MICU1: variants seen among roughly 807,000 people sequenced by gnomAD.
The protein encoded by MICU1 is calcium uptake protein 1, mitochondrial.
Under a neutral mutation model 56.8 loss-of-function variants are expected in MICU1, and 45 were observed. The observed-to-expected ratio is 0.79, with a 90% CI of 0.62 to 1.02. The LOEUF is 1.02. Among genes scored for constraint, MICU1 ranks in the 50% least tolerant of loss-of-function variants. The pLI is 0.00. For missense variants in MICU1, 504 were observed against 587.1 expected, an observed-to-expected ratio of 0.86 and a Z score of 1.46; for synonymous variants, 186 against 195.1, an observed-to-expected ratio of 0.95 and a Z score of 0.39.
At chr10:72,412,274 G>T (rs990003435) in intron 9 of MICU1, among the ~76,000 whole-genome samples, 1 of 152,182 alleles carries the variant, frequency 6.6e-6, no homozygotes, top group Non-Finnish European at 1.5e-5. Context: ...GGACAAGAAG[G>T]CTACAACTTA....
Position 72,495,025 on chromosome 10 carries a change from G to A in MICU1, c.652+13130C>T, listed in dbSNP as rs116721691. 6.8e-3 allele frequency among the ~76,000 whole-genome samples: 1,034 copies of A among 152,142 alleles called. 13 individuals are homozygous for A. The highest frequency in any genetic ancestry group is 0.023 in the African/African-American group (973 of 41,512). ...TATTTAAACTGGTTTTCCTTACACTGTTATTTGACAGTTGTGTTATAGAAA... is the reference window on the plus strand; with the variant it reads ...TATTTAAACTGGTTTTCCTTACACTATTATTTGACAGTTGTGTTATAGAAA... On this transcript the variant is annotated intron_variant, in intron 6 of 11. Transcript: ENST00000361114.
intron 8 of MICU1, among the ~76,000 whole-genome samples, chr10:72,427,707 T>C: frequency 6.7e-6 from 1 of 148,514 alleles, no homozygotes; most frequent in East Asian, 2.1e-4. Flanking sequence ...CAAGACCAGC[T>C]TCAGCATCAT....
intron 4 of MICU1, among the ~76,000 whole-genome samples, chr10:72,539,674 G>A (rs1839720331): frequency 6.6e-6 from 1 of 151,964 alleles, no homozygotes; most frequent in Non-Finnish European, 1.5e-5. Context: ...TGCATCTTAG[G>A]GAACTAGAAA....
chr10:72,569,204 T>TGC (rs1178306378), intron 1 of MICU1, among the ~76,000 whole-genome samples: 7 of 112,034 alleles, frequency 6.2e-5, no homozygotes, highest in African/African-American at 2.0e-4. Flanking sequence ...ATCATATATA[T>TGC]GCATATATAT....
intron 5 of MICU1, chr10:72,508,611 G>A (rs965436074): frequency 1.2e-5 from 2 of 162,656 alleles, no homozygotes; most frequent in African/African-American, 2.4e-5. Flanking sequence ...GGTATACGTG[G>A]TAGTAAACAA....
chr10:72,612,381 C>G (rs1231120158), intron 1 of MICU1, among the ~76,000 whole-genome samples: 2 of 151,900 alleles, frequency 1.3e-5, no homozygotes, highest in Non-Finnish European at 2.9e-5. Context: ...AACATGCAGT[C>G]GAAAAGGAAG....
chr10:72,522,297 T>C (rs151282706), intron 5 of MICU1, among the ~76,000 whole-genome samples: 292 of 152,230 alleles, frequency 1.9e-3, no homozygotes, highest in African/African-American at 6.7e-3. Context: ...TCTTGTTTTA[T>C]GATGAAAAAG....
intron 8 of MICU1, among the ~76,000 whole-genome samples, chr10:72,429,582 C>G (rs1188335620): frequency 6.6e-6 from 1 of 152,090 alleles, no homozygotes; most frequent in Non-Finnish European, 1.5e-5. Flanking sequence ...AACAGAAAAC[C>G]TGGCATAAAG....
chr10:72,540,395 C>T (rs1345295110), intron 4 of MICU1, among the ~76,000 whole-genome samples: 1 of 151,536 alleles, frequency 6.6e-6, no homozygotes, highest in Non-Finnish European at 1.5e-5. Context: ...GGCATGGAGC[C>T]AGATGTGGTA....
chr10:72,416,678 A>G (rs1863993308), intron 9 of MICU1, among the ~76,000 whole-genome samples: 1 of 152,130 alleles, frequency 6.6e-6, no homozygotes, highest in Admixed American at 6.6e-5. Flanking sequence ...GCAAAAGCAA[A>G]TGTCTTTATA....
At chr10:72,609,393 G>C (rs909151449) in intron 1 of MICU1, among the ~76,000 whole-genome samples, 1 of 152,128 alleles carries the variant, frequency 6.6e-6, no homozygotes, top group African/African-American at 2.4e-5. Context: ...TAATCTCCAC[G>C]CTTTGGGAGG....
intron 11 of MICU1, 64 bp from the exon 12 acceptor site, chr10:72,368,419 T>C: frequency 1.3e-6 from 2 of 1,545,746 alleles, no homozygotes; most frequent in Non-Finnish European, 1.8e-6. Flanking sequence ...ACTGATATAA[T>C]TCCATTGTCC....
At chr10:72,432,016 A>T (rs1328859954) in intron 8 of MICU1, among the ~76,000 whole-genome samples, 4 of 151,782 alleles carry the variant, frequency 2.6e-5, no homozygotes, top group African/African-American at 7.3e-5. Context: ...GTCTATTTTT[A>T]AAAATAGCAG....
chr10:72,473,778 A>C (rs555862636), intron 8 of MICU1, among the ~76,000 whole-genome samples: 2 of 152,354 alleles, frequency 1.3e-5, no homozygotes, highest in South Asian at 4.1e-4. Context: ...AACACAATTG[A>C]GACAAGTGGG....
chr10:72,473,529 C>T (rs1018438136), intron 8 of MICU1, among the ~76,000 whole-genome samples: 8 of 152,032 alleles, frequency 5.3e-5, no homozygotes, highest in Admixed American at 3.9e-4. Context: ...AAGCAGGAAC[C>T]CACCCCAGAC....
At chr10:72,488,874 A>G (rs1355182294) in intron 6 of MICU1, among the ~76,000 whole-genome samples, 1 of 152,232 alleles carries the variant, frequency 6.6e-6, no homozygotes, top group African/African-American at 2.4e-5. Context: ...TATACCAGAC[A>G]AAATATCTAT....
chr10:72,368,140 T>C lies in MICU1; in HGVS notation c.*55A>G. ...AGCACAAAGGGCTCTGCCGAGACTC[T>C]GCGGAGGGGGTCCAGGGTACTGGGG... On this transcript the variant is annotated 3_prime_UTR_variant, in exon 12 of 12. Transcript: ENST00000361114. 1 of 1,559,438 alleles carries C rather than the reference T, an allele frequency of 6.4e-7. No homozygotes were observed. The highest frequency in any genetic ancestry group is 2.3e-5 in the East Asian group (1 of 43,538).
At position 72,416,857 on chromosome 10, in the gene MICU1, A is replaced by G. The variant is rs181781792; in HGVS notation, c.1071+6377T>C. ...CTCAACATATTTATCATTGCACTTG[A>G]TAAGCATTTACCGCCACCATACAGA... On this transcript the variant is annotated intron_variant, in intron 9 of 11. Transcript: ENST00000361114. Among the ~76,000 whole-genome samples the G allele has an allele frequency of 4.6e-5, 7 of 152,324 alleles. No homozygotes were observed. The East Asian group carries it at 1.3e-3, about 29-fold the overall frequency.
At chr10:72,614,569 C>A (rs1322613506) in intron 1 of MICU1, among the ~76,000 whole-genome samples, 1 of 152,180 alleles carries the variant, frequency 6.6e-6, no homozygotes, top group Non-Finnish European at 1.5e-5. Flanking sequence ...AAAATTTCAT[C>A]ATGTCATTTC....
Sources: allele counts gnomAD v4.1 joint callset (sites outside exome capture counted in the v4.1 genomes callset), GRCh38; gene constraint gnomAD v4.1.1; transcripts MANE v1.5; gene names NCBI Gene and HGNC (gene_info 2026-07-23, HGNC 2026-07-21).